The following SERPINH1 variants were observed in gnomAD, a reference collection of about 807,000 sequenced individuals.
SERPINH1 encodes serpin H1.
SERPINH1 carries 22 observed loss-of-function variants against 32.3 expected under a neutral mutation model. The observed-to-expected ratio is 0.68, with a 90% CI of 0.49 to 0.97. The LOEUF (loss-of-function observed/expected upper bound fraction) is 0.97. SERPINH1 is among the 50% of genes least tolerant of loss of function. The pLI is 0.00. For missense variants in SERPINH1, 543 were observed against 576.4 expected, an observed-to-expected ratio of 0.94 and a Z score of 0.59; for synonymous variants, 251 against 245.9, an observed-to-expected ratio of 1.02 and a Z score of -0.19.
chr11:75,571,851 G>T lies in SERPINH1; in HGVS notation c.1025G>T (p.Gly342Val). ...KNKADLSRMS[G>V]KKDLYLASVF... The stretch of plus-strand genomic sequence containing the variant: ...AAGGCCGACTTGTCACGCATGTCAG[G>T]CAAGAAGGACCTGTACCTGGCCAGC... Residue 342 changes from glycine to valine, a missense_variant, in exon 5 of 5, where the codon GGC (glycine) becomes GTC (valine). Around this residue, in one of 3 missense-constraint regions of SERPINH1, gnomAD observed 427 missense variants for 446.4 expected, o/e 0.96. Coordinates refer to ENST00000358171, the MANE Select transcript of SERPINH1 (RefSeq NM_001235.5). The T allele has an allele frequency of 1.2e-6, 2 of 1,614,194 alleles. No homozygotes were observed. Among genetic ancestry groups the T allele is most frequent in the Non-Finnish European group, 8.5e-7 (1 of 1,180,042 alleles).
intron 4 of SERPINH1, among the ~76,000 whole-genome samples, chr11:75,570,198 C>T (rs994105391): frequency 2.6e-5 from 4 of 152,158 alleles, no homozygotes; most frequent in East Asian, 3.8e-4. Context: ...AGGAAACTTT[C>T]GTGTCATTCT....
Position 75,564,192 on chromosome 11 carries a change from G to A in SERPINH1, c.-35+1873G>A, listed in dbSNP as rs545218088. Among the ~76,000 whole-genome samples, 18 of 152,338 alleles carry A rather than the reference G, an allele frequency of 1.2e-4. No homozygotes were observed. In the East Asian group the frequency reaches 1.5e-3, roughly 13 times the overall value. On this transcript the variant is annotated intron_variant, in intron 1 of 4. Coordinates refer to ENST00000358171, the MANE Select transcript of SERPINH1 (RefSeq NM_001235.5). Reference sequence around the variant, plus strand: ...CCCAGGCTGGAAGCCCCCCTCTGCCGGCCGGTGGAGATAGTTCAGCCTCCT... The same window carrying A: ...CCCAGGCTGGAAGCCCCCCTCTGCCAGCCGGTGGAGATAGTTCAGCCTCCT...
intron 1 of SERPINH1, chr11:75,562,706 G>C (rs1941999947): frequency 6.6e-6 from 1 of 152,514 alleles, no homozygotes; most frequent in South Asian, 2.1e-4. Context: ...AGATGGGTCT[G>C]GTGCCTCTTC....
intron 4 of SERPINH1, among the ~76,000 whole-genome samples, chr11:75,570,966 G>A (rs1357042823): frequency 6.6e-6 from 1 of 152,184 alleles, no homozygotes; most frequent in African/African-American, 2.4e-5. Context: ...TCTGGAGAGT[G>A]GGGTGGGGCG....
chr11:75,567,151 G>A (rs1178214688), intron 2 of SERPINH1, among the ~76,000 whole-genome samples, 180 bp downstream of exon 2: 1 of 152,224 alleles, frequency 6.6e-6, no homozygotes, highest in South Asian at 2.1e-4. Context: ...GAGACAGGTA[G>A]CAGCGTGTAA....
At chr11:75,564,220 C>T (rs1818116845) in intron 1 of SERPINH1, among the ~76,000 whole-genome samples, 1 of 152,252 alleles carries the variant, frequency 6.6e-6, no homozygotes, top group Non-Finnish European at 1.5e-5. Flanking sequence ...AGCCTCCTGC[C>T]TGCCACGTCA....
In SERPINH1 at chr11:75,572,199, G is replaced by A; in HGVS notation, c.*116G>A. 9.6e-7 allele frequency: 1 copy of A among 1,040,992 alleles called. No individual in the cohort carries two copies. Among genetic ancestry groups the A allele is most frequent in the Non-Finnish European group, 1.4e-6 (1 of 691,628 alleles). 64.5% of individuals were successfully genotyped at this position (1,040,992 alleles called of 1,614,324 possible). Reference sequence around the variant, plus strand: ...AGCCTTGGATACTCCATGGGGTGGGGGTGGAAAAACAGACCGGGGTTCCCG... The same window carrying A: ...AGCCTTGGATACTCCATGGGGTGGGAGTGGAAAAACAGACCGGGGTTCCCG... On this transcript the variant is annotated 3_prime_UTR_variant, in exon 5 of 5. Coordinates refer to ENST00000358171, the MANE Select transcript of SERPINH1 (RefSeq NM_001235.5).
chr11:75,571,674 G>C, intron 4 of SERPINH1, 107 bp from the exon 5 acceptor site: 1 of 1,019,060 alleles, frequency 9.8e-7, no homozygotes. Flanking sequence ...CCAGGGGGTG[G>C]TTCTCTCCTC....
At chr11:75,565,636 A>G (rs1942061302) in intron 1 of SERPINH1, among the ~76,000 whole-genome samples, 1 of 152,042 alleles carries the variant, frequency 6.6e-6, no homozygotes, top group East Asian at 1.9e-4. Context: ...ACACACTCTC[A>G]GGGTCACCCT....
intron 1 of SERPINH1, chr11:75,563,179 T>G (rs1343063210): frequency 6.6e-6 from 1 of 152,234 alleles, no homozygotes; most frequent in Non-Finnish European, 1.5e-5. Flanking sequence ...CTTAGAGACA[T>G]TCCTGAGGTG....
chr11:75,567,573 C>T (rs184492151), intron 2 of SERPINH1, among the ~76,000 whole-genome samples: 154 of 152,318 alleles, frequency 1.0e-3, no homozygotes, highest in African/African-American at 3.4e-3. Flanking sequence ...CTGCCCGCCT[C>T]GGCCTCCCAA....
chr11:75,563,222 C>A (rs1341664277), intron 1 of SERPINH1: 1 of 152,296 alleles, frequency 6.6e-6, no homozygotes, highest in Non-Finnish European at 1.5e-5. Context: ...GAATGCACTT[C>A]CAGACTGGCC....
At chr11:75,571,735 G>A in intron 4 of SERPINH1, 46 bp from the exon 5 acceptor site, 1 of 1,586,624 alleles carries the variant, frequency 6.3e-7, no homozygotes, top group Non-Finnish European at 8.6e-7. Context: ...GGGTGGAGGA[G>A]CCTGGCAGCC....
Position 75,566,433 on chromosome 11 carries a change from A to C in SERPINH1, c.84A>C (p.Ala28=), listed in dbSNP as rs1159815142. 6.2e-7 allele frequency: 1 copy of C among 1,612,042 alleles called. No individual in the cohort carries two copies. Among genetic ancestry groups the C allele is most frequent in the Non-Finnish European group, 8.5e-7 (1 of 1,179,746 alleles). Reference sequence around the variant, plus strand: ...AGGTGAAGAAACCTGCAGCCGCAGCAGCTCCTGGCACTGCGGAGAAGTTGA... The same window carrying C: ...AGGTGAAGAAACCTGCAGCCGCAGCCGCTCCTGGCACTGCGGAGAAGTTGA... The part of the protein sequence containing the change: ...AAEVKKPAAA[A]APGTAEKLSP... Residue 28 remains alanine, a synonymous_variant, in exon 2 of 5, where the codon GCA becomes GCC. Coordinates refer to ENST00000358171, the MANE Select transcript of SERPINH1 (RefSeq NM_001235.5).
chr11:75,572,181 G>T lies in SERPINH1; in HGVS notation c.*98G>T. 8 of 1,187,836 alleles carry T rather than the reference G, an allele frequency of 6.7e-6. No individual in the cohort carries two copies. Among genetic ancestry groups the T allele is most frequent in the African/African-American group, 1.5e-5 (1 of 66,152 alleles). 73.6% of individuals were successfully genotyped at this position (1,187,836 alleles called of 1,614,324 possible). ...GGGGGGAGGTGAGGTACCAGCCTTG[G>T]ATACTCCATGGGGTGGGGGTGGAAA... On this transcript the variant is annotated 3_prime_UTR_variant, in exon 5 of 5. Transcript: ENST00000358171.
intron 1 of SERPINH1, among the ~76,000 whole-genome samples, chr11:75,564,240 G>A (rs1402266392): frequency 6.6e-6 from 1 of 152,252 alleles, no homozygotes. Context: ...ACCACCAGGA[G>A]CAGGCGCTAA....
Position 75,572,154 on chromosome 11 carries a change from T to C in SERPINH1, c.*71T>C. ...TGAGACACATGGGTGCTATTGGGGT[T>C]GGGGGGGAGGTGAGGTACCAGCCTT... On this transcript the variant is annotated 3_prime_UTR_variant, in exon 5 of 5. Transcript: ENST00000358171. 1 of 1,280,260 alleles carries C rather than the reference T, an allele frequency of 7.8e-7. No homozygotes were observed. The highest frequency in any genetic ancestry group is 1.1e-6 in the Non-Finnish European group (1 of 914,438). The allele number at this position is 1,280,260 out of a possible 1,614,324, so 79.3% of individuals were successfully genotyped here.
rs11539325 is a variant in SERPINH1, at chr11:75,566,366, T to C, written c.17T>C (p.Leu6Pro). 5.6e-6 allele frequency: 9 copies of C among 1,610,078 alleles called. No homozygotes were observed. Among genetic ancestry groups the C allele is most frequent in the Non-Finnish European group, 6.8e-6 (8 of 1,178,912 alleles). MRSLL[L>P]LSAFCLLEAA... Reference sequence around the variant, plus strand: ...TTCCTGGCCATGCGCTCCCTCCTGCTTCTCAGCGCCTTCTGCCTCCTGGAG... The same window carrying C: ...TTCCTGGCCATGCGCTCCCTCCTGCCTCTCAGCGCCTTCTGCCTCCTGGAG... The change falls in exon 2 of 5, where the codon CTT (leucine) becomes CCT (proline). Residue 6 changes from leucine (L) to proline (P), a missense_variant. By Grantham distance (98) the Leu-to-Pro change is moderately conservative (BLOSUM62 -3). Around this residue, in one of 3 missense-constraint regions of SERPINH1, gnomAD observed 109 missense variants for 102.4 expected, o/e 1.06. Coordinates refer to ENST00000358171, the MANE Select transcript of SERPINH1 (RefSeq NM_001235.5).
chr11:75,570,046 A>G (rs950636202), intron 4 of SERPINH1, among the ~76,000 whole-genome samples: 1 of 152,018 alleles, frequency 6.6e-6, no homozygotes, highest in African/African-American at 2.4e-5. Context: ...CACCCTGGGT[A>G]GTGGGCAGAG....
Sources: allele counts gnomAD v4.1 joint callset (sites outside exome capture counted in the v4.1 genomes callset), GRCh38; gene constraint gnomAD v4.1.1; regional missense constraint gnomAD v4.1.1; transcripts MANE v1.5; gene names NCBI Gene and HGNC (gene_info 2026-07-23, HGNC 2026-07-21).